The following TCF7L2 variants were observed in gnomAD, a reference collection of about 807,000 sequenced individuals.
TCF7L2 encodes the protein transcription factor 7 like 2.
Under a neutral mutation model 77.9 loss-of-function variants are expected in TCF7L2, and 23 were observed. The ratio of observed to expected loss-of-function variants is 0.30; its 90% CI spans 0.21 to 0.42. The LOEUF (loss-of-function observed/expected upper bound fraction) is 0.42. Among genes scored for constraint, TCF7L2 ranks in the 10% least tolerant of loss-of-function variants. The probability of loss-of-function intolerance (pLI) is 1.00; values close to 1 mark genes in which losing one functional copy is unlikely to be tolerated. For synonymous variants in TCF7L2, 413 were observed against 340.2 expected (o/e 1.21, Z -2.36); for missense variants, 654 against 793.1 (o/e 0.82, Z 2.11).
intron 4 of TCF7L2, among the ~76,000 whole-genome samples, chr10:113,019,101 G>A (rs916801049): frequency 3.3e-5 from 5 of 152,344 alleles, no homozygotes; most frequent in African/African-American, 1.2e-4. Flanking sequence ...GAATGGTAGA[G>A]CATCCTCACT....
At chr10:113,126,746 G>A (rs2065681777) in intron 5 of TCF7L2, 6 of 985,714 alleles carry the variant, frequency 6.1e-6, no homozygotes, top group Non-Finnish European at 7.2e-6. Flanking sequence ...GTGCGCGGCG[G>A]CGGCGCGGGC....
At chr10:113,121,960 G>A (rs1278707786) in intron 5 of TCF7L2, among the ~76,000 whole-genome samples, 1 of 152,184 alleles carries the variant, frequency 6.6e-6, no homozygotes, top group Non-Finnish European at 1.5e-5. Context: ...CACGGATTCG[G>A]AACAACAGTA....
intron 5 of TCF7L2, among the ~76,000 whole-genome samples, chr10:113,069,619 G>A (rs1049895591): frequency 1.3e-5 from 2 of 152,110 alleles, no homozygotes; most frequent in Non-Finnish European, 2.9e-5. Flanking sequence ...TTGACATTCA[G>A]ACATTATTTA....
intron 5 of TCF7L2, among the ~76,000 whole-genome samples, chr10:113,070,266 A>AT (rs953072031): frequency 7.8e-4 from 75 of 96,440 alleles, no homozygotes; most frequent in East Asian, 3.7e-3. Flanking sequence ...AAAAAAAAAA[A>AT]ATTTATATAT....
At chr10:113,041,940 G>A (rs1023948926) in intron 5 of TCF7L2, among the ~76,000 whole-genome samples, 1 of 152,200 alleles carries the variant, frequency 6.6e-6, no homozygotes, top group Non-Finnish European at 1.5e-5. Context: ...CTCTCTTTGA[G>A]TGAGGAGAGA....
intron 4 of TCF7L2, among the ~76,000 whole-genome samples, chr10:113,027,641 T>A (rs767734693): frequency 6.6e-6 from 1 of 152,258 alleles, no homozygotes; most frequent in South Asian, 2.1e-4. Flanking sequence ...CCAAATGAGG[T>A]TATTGTGCTC....
chr10:112,973,077 A>C (rs761148690), intron 4 of TCF7L2, among the ~76,000 whole-genome samples: 2 of 152,304 alleles, frequency 1.3e-5, no homozygotes, highest in Non-Finnish European at 2.9e-5. Context: ...CCTGGTAAAA[A>C]GTACAGAATC....
chr10:112,973,218 GA>G (rs1589850859), intron 4 of TCF7L2, among the ~76,000 whole-genome samples: 2 of 152,328 alleles, frequency 1.3e-5, no homozygotes, highest in East Asian at 3.9e-4. Flanking sequence ...TGTAAGCTTG[GA>G]ACGGGTCCTG....
At chr10:113,087,741 A>T (rs956458512) in intron 5 of TCF7L2, among the ~76,000 whole-genome samples, 1 of 152,206 alleles carries the variant, frequency 6.6e-6, no homozygotes, top group Non-Finnish European at 1.5e-5. Flanking sequence ...ACACAAGGTC[A>T]GCTGCAGCCA....
At chr10:113,108,144 T>C (rs1257491312) in intron 5 of TCF7L2, among the ~76,000 whole-genome samples, 1 of 152,166 alleles carries the variant, frequency 6.6e-6, no homozygotes, top group Admixed American at 6.6e-5. Context: ...CCCGTTTTTA[T>C]GCAAATGTTT....
At position 113,064,399 on chromosome 10, in the gene TCF7L2, G is replaced by C. The variant is rs573239032; in HGVS notation, c.552+24273G>C. ...CCTTTTTCTGTAGGCCAGGCTGAAA[G>C]CTTAATAAATTGTACGAAACCCAAG... On this transcript the variant is annotated intron_variant, in intron 5 of 13. Transcript: ENST00000627217. Among the ~76,000 whole-genome samples, 11 of 152,308 alleles carry C rather than the reference G, an allele frequency of 7.2e-5. No homozygotes were observed. In the South Asian group the frequency reaches 2.3e-3, roughly 32 times the overall value.
chr10:113,149,765 T>C (rs112255218), intron 8 of TCF7L2, among the ~76,000 whole-genome samples: 5 of 150,724 alleles, frequency 3.3e-5, no homozygotes, highest in African/African-American at 7.2e-5. Context: ...TTTGGACTTA[T>C]TAAGAAAGCA....
At chr10:112,986,477 G>A (rs1008374362) in intron 4 of TCF7L2, among the ~76,000 whole-genome samples, 3 of 152,128 alleles carry the variant, frequency 2.0e-5, no homozygotes, top group Non-Finnish European at 4.4e-5. Context: ...CAGCTGGTTT[G>A]GTTTGAGTTC....
chr10:113,086,105 C>G (rs1272064735), intron 5 of TCF7L2, among the ~76,000 whole-genome samples: 1 of 152,312 alleles, frequency 6.6e-6, no homozygotes, highest in East Asian at 1.9e-4. Context: ...CAGTACTTTG[C>G]CCACTCGTCA....
Position 112,950,289 on chromosome 10 carries a change from T to C in TCF7L2, c.-468T>C, listed in dbSNP as rs2030626686. The C allele has an allele frequency of 4.4e-6, 1 of 227,406 alleles. No homozygotes were observed. The highest frequency in any genetic ancestry group is 8.7e-6 in the Non-Finnish European group (1 of 114,798). The allele number at this position is 227,406 out of a possible 1,614,324, so 14.1% of individuals were successfully genotyped here. A position where few individuals can be genotyped will look rare whatever the true frequency, so the allele number is the denominator to read the frequency against. On this transcript the variant is annotated 5_prime_UTR_variant, in exon 1 of 14. Coordinates refer to ENST00000627217, the MANE Select transcript of TCF7L2 (RefSeq NM_001146274.2). Reference sequence around the variant, plus strand: ...CCAGACTACTCCGTTCCTCCGGATTTCGATCCCCCTTTTTCTATCTGTCAA... The same window carrying C: ...CCAGACTACTCCGTTCCTCCGGATTCCGATCCCCCTTTTTCTATCTGTCAA...
At chr10:113,053,427 C>T (rs1002143397) in intron 5 of TCF7L2, among the ~76,000 whole-genome samples, 3 of 152,058 alleles carry the variant, frequency 2.0e-5, no homozygotes, top group Non-Finnish European at 1.5e-5. Context: ...TCCTGCTGGG[C>T]GCAGGCGTGT....
At chr10:113,152,589 A>T (rs2070990211) in intron 11 of TCF7L2, 149 bp downstream of exon 11, 1 of 628,178 alleles carries the variant, frequency 1.6e-6, no homozygotes, top group Non-Finnish European at 2.8e-6. Flanking sequence ...ATCTTCCTGG[A>T]TCGCTAAACT....
chr10:113,152,448 G>C lies in TCF7L2; in HGVS notation c.1269+8G>C, dbSNP rs370783850. ...TCCGCGCGGGATAACTATGTAGGTGGATCATTTTCGTTAGGATTGGAGTCT... is the reference window on the plus strand; with the variant it reads ...TCCGCGCGGGATAACTATGTAGGTGCATCATTTTCGTTAGGATTGGAGTCT... On this transcript the variant is annotated splice_region_variant and intron_variant, in intron 11 of 13. Coordinates refer to ENST00000627217, the MANE Select transcript of TCF7L2 (RefSeq NM_001146274.2). 6.2e-7 allele frequency: 1 copy of C among 1,607,590 alleles called. No individual in the cohort carries two copies. The highest frequency in any genetic ancestry group is 1.3e-5 in the African/African-American group (1 of 74,898).
At chr10:113,161,093 C>A in intron 13 of TCF7L2, 1 of 247,022 alleles carries the variant, frequency 4.0e-6, no homozygotes, top group African/African-American at 2.2e-5. Flanking sequence ...AATTGCATTC[C>A]CGTGCACTTA....
Sources: gnomAD v4.1 joint callset for allele counts (sites outside exome capture counted in the v4.1 genomes callset) on GRCh38, gnomAD v4.1.1 for gene constraint, MANE v1.5 for transcripts, NCBI Gene and HGNC (gene_info 2026-07-23, HGNC 2026-07-21) for gene names.